Variants in PCDH9 observed in about 807,000 individuals in gnomAD.
PCDH9 encodes protocadherin 9.
Under a neutral mutation model 70.6 loss-of-function variants are expected in PCDH9, and 24 were observed. The ratio of observed to expected loss-of-function variants is 0.34; its 90% CI spans 0.25 to 0.48. PCDH9 has a LOEUF of 0.48. Ranked by LOEUF, PCDH9 falls within the 20% of genes least tolerant of loss-of-function variation. The probability of loss-of-function intolerance (pLI) is 0.99; values close to 1 mark genes in which losing one functional copy is unlikely to be tolerated. For missense variants in PCDH9, 1,281 were observed against 1,503.6 expected, an observed-to-expected ratio of 0.85 and a Z score of 2.45; for synonymous variants, 562 against 558.5, an observed-to-expected ratio of 1.01 and a Z score of -0.09.
At chr13:66,373,453 C>T (rs980925363) in intron 4 of PCDH9, among the ~76,000 whole-genome samples, 2 of 151,940 alleles carry the variant, frequency 1.3e-5, no homozygotes, top group African/African-American at 2.4e-5. Context: ...CACTACTGAA[C>T]TATATACACT....
At chr13:67,047,066 T>C (rs1253181631) in intron 2 of PCDH9, among the ~76,000 whole-genome samples, 1 of 152,160 alleles carries the variant, frequency 6.6e-6, no homozygotes, top group African/African-American at 2.4e-5. Context: ...GATACATATA[T>C]TACGTATTAA....
At chr13:66,744,293 C>T (rs1217874908) in intron 3 of PCDH9, among the ~76,000 whole-genome samples, 1 of 152,068 alleles carries the variant, frequency 6.6e-6, no homozygotes, top group Admixed American at 6.6e-5. Flanking sequence ...CCCGACAGAA[C>T]CAAAATATTT....
chr13:66,602,023 C>T (rs2077171332), intron 4 of PCDH9, among the ~76,000 whole-genome samples: 1 of 145,856 alleles, frequency 6.9e-6, no homozygotes, highest in African/African-American at 2.5e-5. Context: ...AAAAAAGTTA[C>T]TTTTACTTAA....
intron 3 of PCDH9, among the ~76,000 whole-genome samples, chr13:66,707,028 A>G (rs899462712): frequency 6.6e-6 from 1 of 152,166 alleles, no homozygotes; most frequent in Non-Finnish European, 1.5e-5. Context: ...CAGAATAAGT[A>G]ATCTTCCCAA....
intron 4 of PCDH9, among the ~76,000 whole-genome samples, chr13:66,426,752 A>G (rs1232242466): frequency 6.6e-6 from 1 of 151,624 alleles, no homozygotes; most frequent in Non-Finnish European, 1.5e-5. Context: ...CATTTAAAGG[A>G]AACATGCATC....
rs1280052764 is a variant in PCDH9, at chr13:67,226,480, G to A, written c.1961C>T (p.Pro654Leu). ...AGTTACTTTTGCAGTAGAGGAACGA[G>A]GTGGTTGTCCTCCATCAGTGGCTTT... The part of the protein sequence containing the change: ...DVKATDGGQP[P>L]RSSTAKVTIN... The change falls in exon 2 of 5, where the codon CCT (proline) becomes CTT (leucine). Residue 654 changes from proline to leucine, a missense_variant. Pro to Leu is a moderately conservative substitution (Grantham distance 98). This residue lies in a region of PCDH9 where 798 missense variants were observed against 1,003.1 expected (regional missense o/e 0.80). Coordinates refer to ENST00000377865, the MANE Select transcript of PCDH9 (RefSeq NM_203487.3). This position sits in a 1 kb window ranked among gnomAD's most constrained non-coding sequence, Gnocchi z 5.0. The A allele has an allele frequency of 6.2e-7, 1 of 1,613,980 alleles. No homozygotes were observed. The highest frequency in any genetic ancestry group is 8.5e-7 in the Non-Finnish European group (1 of 1,179,868).
chr13:66,774,869 T>C (rs1157897140), intron 3 of PCDH9, among the ~76,000 whole-genome samples: 1 of 152,236 alleles, frequency 6.6e-6, no homozygotes, highest in East Asian at 1.9e-4. Flanking sequence ...TTAATATCTA[T>C]TCAAGTTTTG....
chr13:66,984,565 A>T (rs980376882), intron 2 of PCDH9, among the ~76,000 whole-genome samples: 1 of 152,160 alleles, frequency 6.6e-6, no homozygotes, highest in Non-Finnish European at 1.5e-5. Flanking sequence ...GGGTAGAGGG[A>T]AATATTTGGA....
chr13:66,334,704 A>C (rs1956005842), intron 4 of PCDH9, among the ~76,000 whole-genome samples: 1 of 152,088 alleles, frequency 6.6e-6, no homozygotes, highest in Non-Finnish European at 1.5e-5. Flanking sequence ...ATACCATACA[A>C]CTAATTTTTC....
chr13:66,890,208 A>T (rs1212267988), intron 3 of PCDH9, among the ~76,000 whole-genome samples: 1 of 152,132 alleles, frequency 6.6e-6, no homozygotes. Context: ...CTTCCTGCAT[A>T]GCATCATTAT....
chr13:66,451,040 A>G (rs954608135), intron 4 of PCDH9, among the ~76,000 whole-genome samples: 1 of 152,202 alleles, frequency 6.6e-6, no homozygotes, highest in Non-Finnish European at 1.5e-5. Flanking sequence ...GGATAGCGTT[A>G]GGAGATACAC....
chr13:66,314,743 A>G (rs569918655), intron 4 of PCDH9, among the ~76,000 whole-genome samples: 1 of 152,326 alleles, frequency 6.6e-6, no homozygotes, highest in African/African-American at 2.4e-5. Flanking sequence ...CAATGCAGGA[A>G]AAAAGGTATT....
At chr13:66,420,979 CA>C (rs1957556072) in intron 4 of PCDH9, among the ~76,000 whole-genome samples, 1 of 151,874 alleles carries the variant, frequency 6.6e-6, no homozygotes, top group Non-Finnish European at 1.5e-5. Context: ...CCAGTATAGA[CA>C]AGAACATAAA....
chr13:66,872,962 A>G (rs545783884), intron 3 of PCDH9, among the ~76,000 whole-genome samples: 148 of 152,174 alleles, frequency 9.7e-4, no homozygotes, highest in Non-Finnish European at 1.5e-3. Flanking sequence ...TCTATGAATG[A>G]TGATAGGAAG....
intron 3 of PCDH9, among the ~76,000 whole-genome samples, chr13:66,770,325 T>C (rs2079786808): frequency 6.6e-6 from 1 of 152,150 alleles, no homozygotes; most frequent in Non-Finnish European, 1.5e-5. Flanking sequence ...CTTATCCATG[T>C]AACCCAAAAC....
intron 3 of PCDH9, among the ~76,000 whole-genome samples, chr13:66,674,851 C>T (rs778407466): frequency 6.6e-6 from 1 of 151,994 alleles, no homozygotes; most frequent in African/African-American, 2.4e-5. Flanking sequence ...ATATGAAAAT[C>T]TAGATTGAGT....
At chr13:66,713,750 A>G (rs1375678794) in intron 3 of PCDH9, among the ~76,000 whole-genome samples, 1 of 151,298 alleles carries the variant, frequency 6.6e-6, no homozygotes, top group Non-Finnish European at 1.5e-5. Context: ...CCTCTAGTAT[A>G]GTAAGACCAA....
chr13:66,847,481 ATAAC>A (rs1176532877), intron 3 of PCDH9, among the ~76,000 whole-genome samples: 1 of 152,222 alleles, frequency 6.6e-6, no homozygotes, highest in Non-Finnish European at 1.5e-5. Flanking sequence ...ATTAATGACA[ATAAC>A]TAATAATAAA....
chr13:66,799,432 C>G (rs559922067), intron 3 of PCDH9, among the ~76,000 whole-genome samples: 55 of 152,184 alleles, frequency 3.6e-4, no homozygotes, highest in Middle Eastern at 3.4e-3. Flanking sequence ...AGACTGTCAC[C>G]AATAATCTAT....
Sources: allele counts gnomAD v4.1 joint callset (sites outside exome capture counted in the v4.1 genomes callset), GRCh38; gene constraint gnomAD v4.1.1; regional missense constraint gnomAD v4.1.1; non-coding constraint Gnocchi (gnomAD v3.1); transcripts MANE v1.5; gene names NCBI Gene and HGNC (gene_info 2026-07-23, HGNC 2026-07-21).